The following LZIC variants were observed in gnomAD, a reference collection of about 807,000 sequenced individuals.
The protein encoded by LZIC is protein LZIC.
Under a neutral mutation model 25.4 loss-of-function variants are expected in LZIC, and 28 were observed. The observed-to-expected ratio is 1.10, with a 90% confidence interval of 0.82 to 1.51. LZIC has a LOEUF of 1.51. LZIC is among the 40% of genes most tolerant of loss of function. The probability of loss-of-function intolerance (pLI) is 0.00; values close to 1 mark genes in which losing one functional copy is unlikely to be tolerated. For missense variants in LZIC, 170 were observed against 211.1 expected (o/e 0.81, Z 1.21); for synonymous variants, 65 against 70.7 (o/e 0.92, Z 0.40).
intron 2 of LZIC, among the ~76,000 whole-genome samples, chr1:9,941,270 C>T (rs762257056): frequency 5.9e-5 from 9 of 151,972 alleles, no homozygotes; most frequent in Non-Finnish European, 1.2e-4. Flanking sequence ...TCTTGGTTCA[C>T]TGCAACCTCT....
Position 9,929,973 on chromosome 1 carries a change from T to G in LZIC, c.*426A>C. 1 of 981,354 alleles carries G rather than the reference T, an allele frequency of 1.0e-6. No individual in the cohort carries two copies. Among genetic ancestry groups the G allele is most frequent in the Non-Finnish European group, 1.2e-6 (1 of 825,836 alleles). The allele number at this position is 981,354 out of a possible 1,614,324, so 60.8% of individuals were successfully genotyped here. Reference sequence around the variant, plus strand: ...AAGATCACTCAGAATTGTAAAATTCTATGAACACTTATGAAGTCTATTGAG... The same window carrying G: ...AAGATCACTCAGAATTGTAAAATTCGATGAACACTTATGAAGTCTATTGAG... On this transcript the variant is annotated 3_prime_UTR_variant, in exon 8 of 8. Coordinates refer to ENST00000377223, the MANE Select transcript of LZIC (RefSeq NM_032368.5).
chr1:9,939,370 TTTC>T (rs1412938102), intron 2 of LZIC, among the ~76,000 whole-genome samples: 3 of 80,056 alleles, frequency 3.7e-5, no homozygotes. Flanking sequence ...CTTTTTTTTT[TTTC>T]TTTTTTTTTT....
chr1:9,924,418 G>A (rs1261877607), downstream of LZIC, among the ~76,000 whole-genome samples: 4 of 151,658 alleles, frequency 2.6e-5, no homozygotes, highest in East Asian at 3.9e-4. Context: ...GCAGTGGCGC[G>A]ATCTCAGCTC....
chr1:9,940,577 C>A (rs2101612708), intron 2 of LZIC, among the ~76,000 whole-genome samples: 1 of 152,272 alleles, frequency 6.6e-6, no homozygotes, highest in African/African-American at 2.4e-5. Context: ...CTCGGCCTCC[C>A]AAAGTGCTGG....
At position 9,943,291 on chromosome 1, in the gene LZIC, C is replaced by G. The variant is rs1403415131; in HGVS notation, c.-210G>C. 6.5e-6 allele frequency: 1 copy of G among 154,736 alleles called. No homozygotes were observed. The highest frequency in any genetic ancestry group is 1.4e-5 in the Non-Finnish European group (1 of 69,322). 9.6% of individuals were successfully genotyped at this position (154,736 alleles called of 1,614,324 possible). On this transcript the variant is annotated 5_prime_UTR_variant, in exon 1 of 8. Coordinates refer to ENST00000377223, the MANE Select transcript of LZIC (RefSeq NM_032368.5). ...AACCTCCTTAGGCCCCCGGGATTCC[C>G]CCTGTGCCGCCTGACCGCCCGCCAG...
rs571416198 is a variant in LZIC, at chr1:9,929,188, C to A, written c.*1211G>T. ...GGTGAATTTTATGATATATGAATTTCACCTCTTTTAAGTTCCAAATAAGGC... is the reference window on the plus strand; with the variant it reads ...GGTGAATTTTATGATATATGAATTTAACCTCTTTTAAGTTCCAAATAAGGC... On this transcript the variant is annotated 3_prime_UTR_variant, in exon 8 of 8. Coordinates refer to ENST00000377223, the MANE Select transcript of LZIC (RefSeq NM_032368.5). 3.2e-5 allele frequency: 14 copies of A among 436,410 alleles called. No homozygotes were observed. Among genetic ancestry groups the A allele is most frequent in the African/African-American group, 2.8e-4 (13 of 46,784 alleles). The allele number at this position is 436,410 out of a possible 1,614,324, so 27.0% of individuals were successfully genotyped here.
At chr1:9,938,773 C>T (rs1640566553) in intron 2 of LZIC, among the ~76,000 whole-genome samples, 1 of 152,138 alleles carries the variant, frequency 6.6e-6, no homozygotes, top group Non-Finnish European at 1.5e-5. Context: ...AAATCTTCTT[C>T]GTTTTGTGAC....
intron 6 of LZIC, 49 bp downstream of exon 6, chr1:9,932,754 C>A: frequency 9.4e-7 from 1 of 1,068,970 alleles, no homozygotes; most frequent in Non-Finnish European, 1.4e-6. Flanking sequence ...TGTTCTGTAC[C>A]AAATAATTCA....
rs1639987895 is a variant in LZIC at position 9,926,446 on chromosome 1, C to G, written c.*3953G>C. Among the ~76,000 whole-genome samples the G allele has an allele frequency of 6.6e-6, 1 of 152,112 alleles. No individual in the cohort carries two copies. Among genetic ancestry groups the G allele is most frequent in the Non-Finnish European group, 1.5e-5 (1 of 68,022 alleles). ...AAGATGACCATTCCATGTTTAATGT[C>G]TTCAGAGAAGATCTAAAAATCAAAG... On this transcript the variant is annotated 3_prime_UTR_variant, in exon 8 of 8. Coordinates refer to ENST00000377223, the MANE Select transcript of LZIC (RefSeq NM_032368.5).
rs1209128314 is a variant in LZIC, at chr1:9,927,581, G to A, written c.*2818C>T. Among the ~76,000 whole-genome samples, 2 of 151,158 alleles carry A rather than the reference G, an allele frequency of 1.3e-5. No individual in the cohort carries two copies. Among genetic ancestry groups the A allele is most frequent in the Admixed American group, 6.6e-5 (1 of 15,110 alleles). On this transcript the variant is annotated 3_prime_UTR_variant, in exon 8 of 8. Coordinates refer to ENST00000377223, the MANE Select transcript of LZIC (RefSeq NM_032368.5). ...CTCCCAGAGTTCTGAGATTACATGC[G>A]TGAGCCACTGTGCCAGGCATTAGGT...
intron 2 of LZIC, among the ~76,000 whole-genome samples, chr1:9,939,947 C>T (rs1478843528): frequency 6.6e-6 from 1 of 151,898 alleles, no homozygotes; most frequent in Non-Finnish European, 1.5e-5. Context: ...GGCGAAACCC[C>T]GTCTCTACAA....
intron 1 of LZIC, 199 bp from the exon 2 acceptor site, chr1:9,942,981 G>A (rs189474922): frequency 8.1e-4 from 285 of 351,370 alleles, no homozygotes; most frequent in African/African-American, 5.8e-3. Context: ...TCCCGCATCC[G>A]GACACGCCTT....
chr1:9,936,828 C>A (rs901082277), intron 2 of LZIC, among the ~76,000 whole-genome samples: 2 of 152,234 alleles, frequency 1.3e-5, no homozygotes, highest in Non-Finnish European at 2.9e-5. Context: ...GTCCCTAGTG[C>A]AATTAAAAAT....
At position 9,929,435 on chromosome 1, in the gene LZIC, TACTC is replaced by T. The variant is rs1236733504; in HGVS notation, c.*960_*963del. 1 of 985,280 alleles carries T rather than the reference TACTC, an allele frequency of 1.0e-6. No homozygotes were observed. Among genetic ancestry groups the T allele is most frequent in the East Asian group, 1.1e-4 (1 of 8,832 alleles). 61.0% of individuals were successfully genotyped at this position (985,280 alleles called of 1,614,324 possible). On this transcript the variant is annotated 3_prime_UTR_variant, in exon 8 of 8. Transcript: ENST00000377223. The stretch of plus-strand genomic sequence containing the variant: ...ATTTGAGCATACAGAGACATGTAAA[TACTC>T]AGGAGAGAAATTTGCTTTTCCTCAT...
Position 9,931,876 on chromosome 1 carries a change from T to C in LZIC, c.514+15A>G, listed in dbSNP as rs1255562133. On this transcript the variant is annotated intron_variant, in intron 7 of 7. Transcript: ENST00000377223. ...GTAGTATACGACCAGCTTTCAGAAA[T>C]ATGAGGGCACTCACCAAGGTCTGTA... is the stretch of plus-strand genomic sequence containing the variant. The C allele has an allele frequency of 3.2e-6, 5 of 1,586,426 alleles. No individual in the cohort carries two copies. Among genetic ancestry groups the C allele is most frequent in the Non-Finnish European group, 4.3e-6 (5 of 1,158,730 alleles).
Position 9,928,319 on chromosome 1 carries a change from C to T in LZIC, c.*2080G>A, listed in dbSNP as rs1210560811. Among the ~76,000 whole-genome samples, 3 of 151,798 alleles carry T rather than the reference C, an allele frequency of 2.0e-5. No homozygotes were observed. The highest frequency in any genetic ancestry group is 3.9e-4 in the East Asian group (2 of 5,110). ...CAGAGTGAAACTCCATCTCAAAAAA[C>T]AACGACAACAACAACAACACAACAA... On this transcript the variant is annotated 3_prime_UTR_variant, in exon 8 of 8. Transcript: ENST00000377223.
rs543199588 is a variant in LZIC, at chr1:9,929,975, T to C, written c.*424A>G. The stretch of plus-strand genomic sequence containing the variant: ...GATCACTCAGAATTGTAAAATTCTA[T>C]GAACACTTATGAAGTCTATTGAGCT... On this transcript the variant is annotated 3_prime_UTR_variant, in exon 8 of 8. Coordinates refer to ENST00000377223, the MANE Select transcript of LZIC (RefSeq NM_032368.5). 9.3e-5 allele frequency: 91 copies of C among 981,646 alleles called. No individual in the cohort carries two copies. Among genetic ancestry groups the C allele is most frequent in the East Asian group, 1.1e-4 (1 of 8,894 alleles). 60.8% of individuals were successfully genotyped at this position (981,646 alleles called of 1,614,324 possible). A position where few individuals can be genotyped will look rare whatever the true frequency, so the allele number is the denominator to read the frequency against.
intron 7 of LZIC, among the ~76,000 whole-genome samples, chr1:9,931,558 G>A (rs754014302): frequency 2.0e-5 from 3 of 152,088 alleles, no homozygotes; most frequent in Admixed American, 6.6e-5. Context: ...CACCGCACCC[G>A]GCCTTGGCCT....
intron 6 of LZIC, 95 bp from the exon 7 acceptor site, chr1:9,932,067 G>T: frequency 1.5e-6 from 1 of 649,666 alleles, no homozygotes; most frequent in Non-Finnish European, 2.4e-6. Context: ...GGGCACCGTG[G>T]CTCACGCCTG....
Sources: gnomAD v4.1 joint callset for allele counts (sites outside exome capture counted in the v4.1 genomes callset) on GRCh38, gnomAD v4.1.1 for gene constraint, MANE v1.5 for transcripts, NCBI Gene and HGNC (gene_info 2026-07-23, HGNC 2026-07-21) for gene names.